Variants in SPOCK1 observed in about 807,000 individuals in gnomAD.
The protein encoded by SPOCK1 is SPARC (osteonectin), cwcv and kazal like domains proteoglycan 1, also known as testican-1.
A neutral mutation model predicts 55.3 loss-of-function variants in SPOCK1; 23 were observed. The ratio of observed to expected loss-of-function variants is 0.42; its 90% CI spans 0.30 to 0.59. The LOEUF is 0.59. Among genes scored for constraint, SPOCK1 ranks in the 20% least tolerant of loss-of-function variants. The pLI, the probability that SPOCK1 is intolerant of heterozygous loss-of-function variation, is 0.22. For missense variants in SPOCK1, 499 were observed against 552.5 expected (o/e 0.90, Z 0.97); for synonymous variants, 226 against 221.0 (o/e 1.02, Z -0.20).
chr5:137,270,418 G>A (rs1756939600), intron 2 of SPOCK1, among the ~76,000 whole-genome samples: 1 of 152,176 alleles, frequency 6.6e-6, no homozygotes. Context: ...AGGAATGAAG[G>A]ATGGCAGTGT....
At chr5:137,015,575 G>A (rs1274988878) in intron 6 of SPOCK1, among the ~76,000 whole-genome samples, 1 of 152,182 alleles carries the variant, frequency 6.6e-6, no homozygotes, top group East Asian at 1.9e-4. Flanking sequence ...AAGGAATCTG[G>A]GAAGCACAGT....
At chr5:137,240,263 A>G (rs1580823909) in intron 3 of SPOCK1, among the ~76,000 whole-genome samples, 2 of 152,296 alleles carry the variant, frequency 1.3e-5, no homozygotes, top group South Asian at 4.1e-4. Context: ...ATAAGAAAAG[A>G]GATTGGATTC....
chr5:136,992,789 A>AC (rs1750973511), intron 6 of SPOCK1, 189 bp from the exon 7 acceptor site: 3 of 484,780 alleles, frequency 6.2e-6, no homozygotes, highest in Non-Finnish European at 1.1e-5. Flanking sequence ...GAGAGCCTAG[A>AC]CCCCCAGGGC....
chr5:137,333,072 C>A (rs941324695), intron 2 of SPOCK1, among the ~76,000 whole-genome samples: 7 of 152,312 alleles, frequency 4.6e-5, no homozygotes, highest in African/African-American at 1.7e-4. Context: ...TGCCTACTAG[C>A]AGAGCCCCAG....
intron 7 of SPOCK1, among the ~76,000 whole-genome samples, chr5:136,991,970 A>C (rs1292838381): frequency 1.3e-5 from 2 of 152,226 alleles, no homozygotes; most frequent in South Asian, 4.1e-4. Flanking sequence ...TGACTATTGT[A>C]CAAAAAGACA....
intron 1 of SPOCK1, among the ~76,000 whole-genome samples, chr5:137,498,808 C>T (rs1411161159): frequency 6.6e-6 from 1 of 152,180 alleles, no homozygotes; most frequent in African/African-American, 2.4e-5. Context: ...GGACCCGTCT[C>T]GTCTATTCTC....
At chr5:137,095,063 C>T (rs896723764) in intron 5 of SPOCK1, among the ~76,000 whole-genome samples, 5 of 152,064 alleles carry the variant, frequency 3.3e-5, no homozygotes, top group Admixed American at 2.6e-4. Context: ...GACAAGGGAA[C>T]GGCTGGTTAG....
chr5:137,493,205 T>C (rs1213268984), intron 2 of SPOCK1, among the ~76,000 whole-genome samples: 1 of 152,250 alleles, frequency 6.6e-6, no homozygotes, highest in Non-Finnish European at 1.5e-5. Context: ...GTTTAGTTAT[T>C]GTGTTTGGTT....
At chr5:137,414,230 T>C (rs1339870188) in intron 2 of SPOCK1, among the ~76,000 whole-genome samples, 1 of 152,136 alleles carries the variant, frequency 6.6e-6, no homozygotes, top group Non-Finnish European at 1.5e-5. Context: ...TCACAAAGCT[T>C]CCCCTCCAAG....
chr5:137,383,975 C>G (rs1751538134), intron 2 of SPOCK1, among the ~76,000 whole-genome samples: 1 of 152,226 alleles, frequency 6.6e-6, no homozygotes, highest in African/African-American at 2.4e-5. Context: ...ACCCCCTAGA[C>G]CAAGCATGGA....
intron 6 of SPOCK1, among the ~76,000 whole-genome samples, chr5:137,014,326 C>T (rs576494383): frequency 6.6e-6 from 1 of 152,276 alleles, no homozygotes; most frequent in Admixed American, 6.5e-5. Context: ...GCCAACTCAA[C>T]CTCTTTCCTT....
At position 136,976,804 on chromosome 5, in the gene SPOCK1, A is replaced by C. The variant is rs1217426074; in HGVS notation, c.*1850T>G. The C allele has an allele frequency of 3.3e-5, 5 of 152,204 alleles. No individual in the cohort carries two copies. The highest frequency in any genetic ancestry group is 7.3e-5 in the Non-Finnish European group (5 of 68,048). The allele number at this position is 152,204 out of a possible 1,614,324, so 9.4% of individuals were successfully genotyped here. ...GAAGCCAAAGGACTTTGCTATATCA[A>C]GTAGTTCATTTCTTATCTAAGACCA... On this transcript the variant is annotated 3_prime_UTR_variant, in exon 11 of 11. Transcript: ENST00000394945.
chr5:137,345,727 C>T (rs982172883), intron 2 of SPOCK1, among the ~76,000 whole-genome samples: 1 of 152,214 alleles, frequency 6.6e-6, no homozygotes, highest in Non-Finnish European at 1.5e-5. Context: ...GTGTAACAAA[C>T]TGCAGGTTGA....
intron 3 of SPOCK1, among the ~76,000 whole-genome samples, chr5:137,201,340 G>A (rs1468041894): frequency 1.3e-5 from 2 of 152,184 alleles, no homozygotes; most frequent in Non-Finnish European, 2.9e-5. Context: ...ACGATGTTAG[G>A]ATTTTAATAA....
At chr5:137,345,534 A>T (rs1272920465) in intron 2 of SPOCK1, among the ~76,000 whole-genome samples, 3 of 152,236 alleles carry the variant, frequency 2.0e-5, no homozygotes, top group Non-Finnish European at 2.9e-5. Flanking sequence ...TTTCCCTCTG[A>T]AGAGTCCCAC....
chr5:137,464,154 A>G (rs1371589902), intron 2 of SPOCK1, among the ~76,000 whole-genome samples: 2 of 151,884 alleles, frequency 1.3e-5, no homozygotes, highest in Non-Finnish European at 2.9e-5. Flanking sequence ...TACAAAAATT[A>G]CCCAAGTATG....
At chr5:137,073,219 C>A (rs1752650994) in intron 5 of SPOCK1, among the ~76,000 whole-genome samples, 1 of 152,172 alleles carries the variant, frequency 6.6e-6, no homozygotes, top group African/African-American at 2.4e-5. Flanking sequence ...GGACAAAGGC[C>A]TGTTTCCATG....
chr5:137,039,786 G>A (rs940930041), intron 6 of SPOCK1, among the ~76,000 whole-genome samples: 2 of 152,222 alleles, frequency 1.3e-5, no homozygotes. Flanking sequence ...GAACAGAGCA[G>A]CCCCATCAAA....
At chr5:137,498,809 G>C (rs1754368792) in intron 1 of SPOCK1, among the ~76,000 whole-genome samples, 1 of 152,176 alleles carries the variant, frequency 6.6e-6, no homozygotes, top group African/African-American at 2.4e-5. Context: ...GACCCGTCTC[G>C]TCTATTCTCC....
Sources: gnomAD v4.1 joint callset for allele counts (sites outside exome capture counted in the v4.1 genomes callset) on GRCh38, gnomAD v4.1.1 for gene constraint, MANE v1.5 for transcripts, NCBI Gene and HGNC (gene_info 2026-07-23, HGNC 2026-07-21) for gene names.